The following ATP9B variants were observed in gnomAD, a reference collection of about 807,000 sequenced individuals.
ATP9B encodes the protein ATPase phospholipid transporting 9B.
ATP9B carries 110 observed loss-of-function variants against 146.1 expected under a neutral mutation model. The observed-to-expected ratio is 0.75, with a 90% CI of 0.65 to 0.88. The LOEUF is 0.88. ATP9B is among the 40% of genes least tolerant of loss of function. ATP9B has a pLI of 0.00. For missense variants in ATP9B, 1,499 were observed against 1,496.4 expected, an observed-to-expected ratio of 1.00 and a Z score of -0.03; for synonymous variants, 604 against 569.7, an observed-to-expected ratio of 1.06 and a Z score of -0.86.
chr18:79,097,966 T>C (rs1361401169), intron 2 of ATP9B, among the ~76,000 whole-genome samples: 2 of 152,074 alleles, frequency 1.3e-5, no homozygotes, highest in Non-Finnish European at 2.9e-5. Context: ...ACTTCCACAA[T>C]GGTTGAACTA....
chr18:79,340,058 G>A (rs2147335205), intron 19 of ATP9B, among the ~76,000 whole-genome samples: 1 of 152,248 alleles, frequency 6.6e-6, no homozygotes, highest in African/African-American at 2.4e-5. Flanking sequence ...GCTCAATCGA[G>A]CCCCAGAGTT....
chr18:79,151,066 A>G (rs374423649), intron 6 of ATP9B, among the ~76,000 whole-genome samples: 8 of 152,200 alleles, frequency 5.3e-5, no homozygotes, highest in Non-Finnish European at 7.4e-5. Flanking sequence ...ATCCCAGTTG[A>G]TGTCTTTGCA....
chr18:79,121,155 A>T (rs2094182176), intron 4 of ATP9B, among the ~76,000 whole-genome samples: 1 of 152,258 alleles, frequency 6.6e-6, no homozygotes, highest in Non-Finnish European at 1.5e-5. Flanking sequence ...CCTCAAAGGC[A>T]CATCAATAAT....
At chr18:79,175,479 T>C (rs1278309164) in intron 7 of ATP9B, among the ~76,000 whole-genome samples, 1 of 152,194 alleles carries the variant, frequency 6.6e-6, no homozygotes, top group Non-Finnish European at 1.5e-5. Flanking sequence ...TACACAGATA[T>C]ATGTGCACAC....
At chr18:79,300,269 A>G (rs1402100148) in intron 13 of ATP9B, among the ~76,000 whole-genome samples, 9 of 152,160 alleles carry the variant, frequency 5.9e-5, no homozygotes, top group Non-Finnish European at 1.0e-4. Context: ...GGTGGTGGTG[A>G]TGATGGCTGT....
At chr18:79,354,091 G>A (rs1339150379) in intron 25 of ATP9B, 4 of 152,208 alleles carry the variant, frequency 2.6e-5, no homozygotes, top group Non-Finnish European at 5.9e-5. Flanking sequence ...AGAACGGTCT[G>A]CATTTAGTGA....
chr18:79,245,787 A>ACCCTGCTGACTGAGGAGGGTACCG (rs2095946747), intron 11 of ATP9B, among the ~76,000 whole-genome samples: 1 of 119,318 alleles, frequency 8.4e-6, no homozygotes, highest in Non-Finnish European at 1.7e-5. Context: ...GGAGGGCACC[A>ACCCTGCTGACTGAGGAGGGTACCG]CCCTACTGAC....
chr18:79,356,156 C>T (rs1296937503), intron 25 of ATP9B, among the ~76,000 whole-genome samples: 2 of 152,178 alleles, frequency 1.3e-5, no homozygotes, highest in African/African-American at 2.4e-5. Context: ...ATGAGCGCAT[C>T]GTCAGCCACA....
chr18:79,305,077 G>A (rs904290265), intron 14 of ATP9B, among the ~76,000 whole-genome samples: 2 of 152,212 alleles, frequency 1.3e-5, no homozygotes, highest in African/African-American at 4.8e-5. Flanking sequence ...GGAGGTGACA[G>A]TTCCCAGCGC....
intron 5 of ATP9B, among the ~76,000 whole-genome samples, chr18:79,135,802 T>C (rs978495467): frequency 3.9e-5 from 6 of 152,230 alleles, no homozygotes; most frequent in Non-Finnish European, 5.9e-5. Context: ...CTTACGAATA[T>C]CCATTTTGAG....
chr18:79,118,076 A>G (rs547183817), intron 4 of ATP9B, among the ~76,000 whole-genome samples: 4 of 152,188 alleles, frequency 2.6e-5, no homozygotes, highest in Non-Finnish European at 5.9e-5. Flanking sequence ...CATTGTATAA[A>G]TATACCACAA....
chr18:79,324,801 T>C (rs1030137588), intron 15 of ATP9B, among the ~76,000 whole-genome samples: 1 of 152,272 alleles, frequency 6.6e-6, no homozygotes, highest in African/African-American at 2.4e-5. Context: ...TGGTCTAATA[T>C]GTAACATTTT....
In ATP9B at chr18:79,168,325, TAAAC is replaced by T. The variant is rs2095013934; in HGVS notation, c.779-8484_779-8481del. Reference sequence around the variant, plus strand: ...AGAGTTCAGCCAGTGACTATAAAAATAAACAAATGAGTATAACAACAAACAACCC... The same window carrying T: ...AGAGTTCAGCCAGTGACTATAAAAATAAATGAGTATAACAACAAACAACCC... On this transcript the variant is annotated intron_variant, in intron 7 of 29. Transcript: ENST00000426216. Among the ~76,000 whole-genome samples the T allele has an allele frequency of 3.3e-5, 5 of 151,804 alleles. No homozygotes were observed. The South Asian group carries it at 8.3e-4, about 25-fold the overall frequency.
At chr18:79,078,276 C>T (rs1599353294) in intron 1 of ATP9B, 1 of 152,234 alleles carries the variant, frequency 6.6e-6, no homozygotes, top group Admixed American at 6.5e-5. Flanking sequence ...CCAGACTTTT[C>T]TTGGGGACTT....
chr18:79,336,000 GCGCTCCCCTCGCCCGTCCC>G (rs1439535382), intron 17 of ATP9B, among the ~76,000 whole-genome samples: 4 of 151,802 alleles, frequency 2.6e-5, no homozygotes, highest in African/African-American at 9.7e-5. Flanking sequence ...CTGGCACCAG[GCGCTCCCCTCGCCCGTCCC>G]CAGCACCGCC....
chr18:79,180,896 A>C (rs144671180), intron 8 of ATP9B, among the ~76,000 whole-genome samples: 1 of 152,014 alleles, frequency 6.6e-6, no homozygotes, highest in East Asian at 1.9e-4. Context: ...GGGTTTAAGC[A>C]ATTCTCCTGT....
chr18:79,224,493 G>A (rs1263896693), intron 11 of ATP9B, among the ~76,000 whole-genome samples: 1 of 152,138 alleles, frequency 6.6e-6, no homozygotes, highest in Non-Finnish European at 1.5e-5. Context: ...GGATTTCTGT[G>A]GGCTGCCAGA....
At chr18:79,346,008 A>G (rs2096884258) in intron 23 of ATP9B, among the ~76,000 whole-genome samples, 169 bp downstream of exon 23, 1 of 152,086 alleles carries the variant, frequency 6.6e-6, no homozygotes, top group Non-Finnish European at 1.5e-5. Context: ...GTCAACACAC[A>G]TCAGCACGTG....
chr18:79,248,809 C>T (rs1222545140), intron 11 of ATP9B, among the ~76,000 whole-genome samples: 1 of 152,148 alleles, frequency 6.6e-6, no homozygotes, highest in Non-Finnish European at 1.5e-5. Flanking sequence ...GGTAAGTACG[C>T]GTGAGTTTTA....
Sources: gnomAD v4.1 joint callset for allele counts (sites outside exome capture counted in the v4.1 genomes callset) on GRCh38, gnomAD v4.1.1 for gene constraint, MANE v1.5 for transcripts, NCBI Gene and HGNC (gene_info 2026-07-23, HGNC 2026-07-21) for gene names.